ZHX2: variants seen among roughly 807,000 people sequenced by gnomAD.
ZHX2 encodes the protein zinc fingers and homeoboxes 2, also known as zinc fingers and homeoboxes protein 2.
Under a neutral mutation model 21.9 loss-of-function variants are expected in ZHX2, and 6 were observed. The observed-to-expected ratio is 0.27, with a 90% CI of 0.15 to 0.54. The LOEUF is 0.54. Ranked by LOEUF, ZHX2 falls within the 20% of genes least tolerant of loss-of-function variation. ZHX2 has a pLI of 0.95. For missense variants in ZHX2, 908 were observed against 1,090.7 expected, an observed-to-expected ratio of 0.83 and a Z score of 2.36; for synonymous variants, 434 against 437.1, an observed-to-expected ratio of 0.99 and a Z score of 0.09.
chr8:122,821,829 C>G (rs1818159477), intron 1 of ZHX2, among the ~76,000 whole-genome samples: 3 of 152,050 alleles, frequency 2.0e-5, no homozygotes, highest in African/African-American at 4.8e-5. Context: ...CTCAGCCTCC[C>G]GAGTAGCTGG....
At chr8:122,878,477 A>G (rs1819620789) in intron 2 of ZHX2, among the ~76,000 whole-genome samples, 1 of 152,182 alleles carries the variant, frequency 6.6e-6, no homozygotes, top group Admixed American at 6.5e-5. Context: ...TACTGGGATG[A>G]CAGGGGTGAG....
chr8:122,818,025 A>C (rs1818069842), intron 1 of ZHX2, among the ~76,000 whole-genome samples: 1 of 152,050 alleles, frequency 6.6e-6, no homozygotes, highest in African/African-American at 2.4e-5. Flanking sequence ...ATTCAACCTA[A>C]AGGTCCTGGC....
intron 2 of ZHX2, among the ~76,000 whole-genome samples, chr8:122,909,452 A>AT (rs1297945364): frequency 1.3e-5 from 2 of 151,272 alleles, no homozygotes; most frequent in Non-Finnish European, 2.9e-5. Flanking sequence ...AAAAAAAAAA[A>AT]GTGGGGCAGG....
chr8:122,801,041 C>A (rs1817710156), intron 1 of ZHX2, among the ~76,000 whole-genome samples: 1 of 152,202 alleles, frequency 6.6e-6, no homozygotes, highest in African/African-American at 2.4e-5. Context: ...TGCATGAAAG[C>A]TGGTGATCAG....
At chr8:122,835,097 T>C (rs759610444) in intron 1 of ZHX2, among the ~76,000 whole-genome samples, 19 of 152,320 alleles carry the variant, frequency 1.2e-4, no homozygotes, top group Non-Finnish European at 2.9e-5. Flanking sequence ...CCGGGTCAGT[T>C]CATAAGACTG....
chr8:122,786,673 C>A (rs965326345), intron 1 of ZHX2, among the ~76,000 whole-genome samples: 1 of 152,132 alleles, frequency 6.6e-6, no homozygotes, highest in Non-Finnish European at 1.5e-5. Flanking sequence ...TCATCAATCC[C>A]AGGACCCTGA....
chr8:122,799,920 G>T (rs556356060), intron 1 of ZHX2, among the ~76,000 whole-genome samples: 3 of 152,146 alleles, frequency 2.0e-5, no homozygotes, highest in Non-Finnish European at 4.4e-5. Context: ...CTGGAGGGCA[G>T]TGGTGTGACC....
chr8:122,917,312 C>CCTGG (rs1039920586), intron 2 of ZHX2, among the ~76,000 whole-genome samples: 2 of 151,836 alleles, frequency 1.3e-5, no homozygotes, highest in Non-Finnish European at 2.9e-5. Context: ...AGTTGGGAGT[C>CCTGG]CTGGCCCTGT....
intron 1 of ZHX2, among the ~76,000 whole-genome samples, chr8:122,801,473 A>C (rs192320966): frequency 6.6e-6 from 1 of 152,054 alleles, no homozygotes; most frequent in East Asian, 1.9e-4. Flanking sequence ...GGGGCCCGAC[A>C]CGGTGGCTTA....
chr8:122,916,034 C>G (rs1192846676), intron 2 of ZHX2, among the ~76,000 whole-genome samples: 2 of 152,212 alleles, frequency 1.3e-5, no homozygotes, highest in East Asian at 3.8e-4. Context: ...CAAGTCCAGG[C>G]ACCTGGGGGA....
chr8:122,851,381 T>C (rs1818895860), intron 1 of ZHX2, among the ~76,000 whole-genome samples: 1 of 152,194 alleles, frequency 6.6e-6, no homozygotes, highest in African/African-American at 2.4e-5. Flanking sequence ...GCTATGATGA[T>C]GGTGATGATG....
chr8:122,879,355 T>C (rs372424008), intron 2 of ZHX2, among the ~76,000 whole-genome samples: 24 of 152,134 alleles, frequency 1.6e-4, no homozygotes, highest in Middle Eastern at 3.4e-3. Context: ...AACAGACACA[T>C]GCCACCACGC....
chr8:122,940,100 G>A (rs898206663), intron 2 of ZHX2, among the ~76,000 whole-genome samples: 2 of 152,220 alleles, frequency 1.3e-5, no homozygotes, highest in African/African-American at 4.8e-5. Flanking sequence ...TGGCTTGCAT[G>A]TGGGTTTGGG....
At chr8:122,865,165 G>T (rs1354451943) in intron 2 of ZHX2, among the ~76,000 whole-genome samples, 2 of 148,076 alleles carry the variant, frequency 1.4e-5, no homozygotes, top group African/African-American at 2.5e-5. Context: ...GTCTCACTCT[G>T]TCGCCCAGGC....
intron 2 of ZHX2, among the ~76,000 whole-genome samples, chr8:122,885,248 G>A (rs2129816853): frequency 6.6e-6 from 1 of 152,330 alleles, no homozygotes; most frequent in Middle Eastern, 3.4e-3. Context: ...CAGGAGACAG[G>A]CCTGACCTCA....
At position 122,952,522 on chromosome 8, in the gene ZHX2, A is replaced by G. The variant is rs1464648959; in HGVS notation, c.1012A>G (p.Ile338Val). 4 of 1,614,156 alleles carry G rather than the reference A, an allele frequency of 2.5e-6. No homozygotes were observed. The highest frequency in any genetic ancestry group is 3.4e-6 in the Non-Finnish European group (4 of 1,180,028). ...EARKKMFNGT[I>V]QSVPPTITVL... ...CCGGAAGAAGATGTTCAACGGCACC[A>G]TCCAGTCAGTACCCCCGACCATCAC... Residue 338 changes from isoleucine (I) to valine (V), a missense_variant, in exon 3 of 4, where the codon ATC becomes GTC. Physicochemically the swap from Ile to Val is conservative, Grantham distance 29. Around this residue, in one of 4 missense-constraint regions of ZHX2, gnomAD observed 232 missense variants for 361.8 expected, o/e 0.64. Coordinates refer to ENST00000314393, the MANE Select transcript of ZHX2 (RefSeq NM_014943.5). This position sits in a 1 kb window ranked among gnomAD's most constrained non-coding sequence, Gnocchi z 6.9.
At chr8:122,872,304 C>T (rs1819461117) in intron 2 of ZHX2, among the ~76,000 whole-genome samples, 1 of 152,218 alleles carries the variant, frequency 6.6e-6, no homozygotes, top group Non-Finnish European at 1.5e-5. Context: ...CACAGAGCTA[C>T]AACTGCCCCA....
chr8:122,900,952 T>C (rs1360449773), intron 2 of ZHX2, among the ~76,000 whole-genome samples: 1 of 152,162 alleles, frequency 6.6e-6, no homozygotes, highest in East Asian at 1.9e-4. Context: ...TGCATATCAA[T>C]TTTGTGTGGC....
At chr8:122,879,067 G>A (rs937811325) in intron 2 of ZHX2, among the ~76,000 whole-genome samples, 2 of 152,134 alleles carry the variant, frequency 1.3e-5, no homozygotes, top group African/African-American at 2.4e-5. Flanking sequence ...TTCCCTGCAG[G>A]GCAGCACAGC....
Sources: allele counts gnomAD v4.1 joint callset (sites outside exome capture counted in the v4.1 genomes callset), GRCh38; gene constraint gnomAD v4.1.1; regional missense constraint gnomAD v4.1.1; non-coding constraint Gnocchi (gnomAD v3.1); transcripts MANE v1.5; gene names NCBI Gene and HGNC (gene_info 2026-07-23, HGNC 2026-07-21).